The following KCND2 variants were observed in gnomAD, a reference collection of about 807,000 sequenced individuals.
KCND2 encodes the protein potassium voltage-gated channel subfamily D member 2, also known as A-type voltage-gated potassium channel KCND2.
A neutral mutation model predicts 54.4 loss-of-function variants in KCND2; 16 were observed. The observed-to-expected ratio is 0.29, with a 90% CI of 0.20 to 0.45. The LOEUF (loss-of-function observed/expected upper bound fraction) is 0.45, where lower values mean the gene tolerates loss of function less well. Among genes scored for constraint, KCND2 ranks in the 20% least tolerant of loss-of-function variants. The probability of loss-of-function intolerance (pLI) is 1.00; values close to 1 mark genes in which losing one functional copy is unlikely to be tolerated. For missense variants in KCND2, 486 were observed against 824.2 expected, an observed-to-expected ratio of 0.59 and a Z score of 5.02; for synonymous variants, 317 against 310.7, an observed-to-expected ratio of 1.02 and a Z score of -0.21.
rs1799104770 is a variant in KCND2 at position 120,273,222 on chromosome 7, C to T, written c.-1411C>T. On this transcript the variant is annotated 5_prime_UTR_variant, in exon 1 of 6. Coordinates refer to ENST00000331113, the MANE Select transcript of KCND2 (RefSeq NM_012281.3). ...CGCGCGGTTATTTATTTATTTTCTCCTTATTTATTGATCGCACTAGCAGAG... is the reference window on the plus strand; with the variant it reads ...CGCGCGGTTATTTATTTATTTTCTCTTTATTTATTGATCGCACTAGCAGAG... 6.6e-6 allele frequency among the ~76,000 whole-genome samples: 1 copy of T among 152,068 alleles called. No homozygotes were observed. The highest frequency in any genetic ancestry group is 2.4e-5 in the African/African-American group (1 of 41,456).
At chr7:120,747,448 T>G (rs1374240842) in intron 5 of KCND2, among the ~76,000 whole-genome samples, 1 of 152,136 alleles carries the variant, frequency 6.6e-6, no homozygotes, top group Non-Finnish European at 1.5e-5. Flanking sequence ...ACATTTAGTT[T>G]GATAAATACT....
At chr7:120,418,478 C>T (rs17142714) in intron 1 of KCND2, among the ~76,000 whole-genome samples, 1 of 75,448 alleles carries the variant, frequency 1.3e-5, no homozygotes, top group African/African-American at 1.7e-4. Context: ...ACCTAAGAGG[C>T]CATCTGCTGT....
At chr7:120,572,670 G>C (rs1479391354) in intron 1 of KCND2, among the ~76,000 whole-genome samples, 1 of 151,952 alleles carries the variant, frequency 6.6e-6, no homozygotes, top group South Asian at 2.1e-4. Flanking sequence ...GGTGTGAGCC[G>C]CCACACCCAG....
At chr7:120,384,025 C>G (rs1162510616) in intron 1 of KCND2, among the ~76,000 whole-genome samples, 1 of 152,068 alleles carries the variant, frequency 6.6e-6, no homozygotes, top group Non-Finnish European at 1.5e-5. Context: ...ATAACAAAAT[C>G]TGTGAGTGCT....
intron 1 of KCND2, among the ~76,000 whole-genome samples, chr7:120,331,163 G>A (rs1800062801): frequency 6.6e-6 from 1 of 151,968 alleles, no homozygotes; most frequent in Admixed American, 6.6e-5. Context: ...TTCCAAACTT[G>A]TATTTTAACC....
intron 2 of KCND2, among the ~76,000 whole-genome samples, chr7:120,738,688 G>T (rs1008150191): frequency 2.0e-4 from 30 of 152,034 alleles, no homozygotes; most frequent in Non-Finnish European, 4.4e-5. Flanking sequence ...AGGGTCGGGG[G>T]TAAGAGACTG....
intron 1 of KCND2, among the ~76,000 whole-genome samples, chr7:120,336,333 A>G (rs185481933): frequency 6.6e-6 from 1 of 152,284 alleles, no homozygotes; most frequent in Admixed American, 6.5e-5. Context: ...CCAATTTGAA[A>G]ATGCCAACTT....
At chr7:120,690,148 T>C (rs942670082) in intron 1 of KCND2, among the ~76,000 whole-genome samples, 3 of 152,224 alleles carry the variant, frequency 2.0e-5, no homozygotes, top group Admixed American at 2.0e-4. Context: ...AAATGTTATT[T>C]ATTGGTTAAA....
intron 1 of KCND2, among the ~76,000 whole-genome samples, chr7:120,340,520 A>G (rs1800225295): frequency 6.6e-6 from 1 of 152,184 alleles, no homozygotes; most frequent in African/African-American, 2.4e-5. Flanking sequence ...TTGACATCTC[A>G]ATGAAATGTC....
At chr7:120,395,493 TTC>T (rs1490992994) in intron 1 of KCND2, among the ~76,000 whole-genome samples, 1 of 151,892 alleles carries the variant, frequency 6.6e-6, no homozygotes, top group Non-Finnish European at 1.5e-5. Context: ...CCTGGGAGAG[TTC>T]TTGGCTTCAC....
intron 2 of KCND2, among the ~76,000 whole-genome samples, chr7:120,739,384 G>T (rs963199951): frequency 6.6e-6 from 1 of 151,932 alleles, no homozygotes; most frequent in African/African-American, 2.4e-5. Context: ...ATTCTGAGTT[G>T]TTTCCAAATG....
chr7:120,650,859 T>C (rs1253262918), intron 1 of KCND2, among the ~76,000 whole-genome samples: 1 of 143,804 alleles, frequency 7.0e-6, no homozygotes, highest in Non-Finnish European at 1.5e-5. Flanking sequence ...TGCAGGTCTG[T>C]TGGAGTTTGC....
chr7:120,727,923 CAGG>C, intron 1 of KCND2, among the ~76,000 whole-genome samples: 1 of 151,984 alleles, frequency 6.6e-6, no homozygotes, highest in East Asian at 2.0e-4. Flanking sequence ...ATCACAAAGT[CAGG>C]AGATCAAGAC....
At chr7:120,685,810 A>G (rs1477070702) in intron 1 of KCND2, among the ~76,000 whole-genome samples, 1 of 152,244 alleles carries the variant, frequency 6.6e-6, no homozygotes, top group African/African-American at 2.4e-5. Context: ...TTCTCCTAAT[A>G]TGAATAAGTA....
chr7:120,361,720 T>C (rs1438612128), intron 1 of KCND2, among the ~76,000 whole-genome samples: 3 of 152,118 alleles, frequency 2.0e-5, no homozygotes, highest in South Asian at 2.1e-4. Flanking sequence ...ATTTTACATA[T>C]TGATTTGCTA....
At chr7:120,473,722 GT>G (rs1005519949) in intron 1 of KCND2, among the ~76,000 whole-genome samples, 1 of 151,972 alleles carries the variant, frequency 6.6e-6, no homozygotes, top group East Asian at 1.9e-4. Context: ...CCAATCCAAA[GT>G]TTTTTTAAAA....
intron 1 of KCND2, among the ~76,000 whole-genome samples, chr7:120,730,870 T>C (rs999823250): frequency 5.3e-5 from 8 of 152,194 alleles, no homozygotes; most frequent in African/African-American, 1.9e-4. Context: ...GACTATTGCC[T>C]AGGCTACCTC....
chr7:120,286,656 A>C (rs879398980), intron 1 of KCND2, among the ~76,000 whole-genome samples: 1 of 152,010 alleles, frequency 6.6e-6, no homozygotes, highest in Non-Finnish European at 1.5e-5. Context: ...ATCAAAAGGA[A>C]TTTCCTATTT....
At chr7:120,320,343 C>A (rs1799877018) in intron 1 of KCND2, among the ~76,000 whole-genome samples, 2 of 152,022 alleles carry the variant, frequency 1.3e-5, no homozygotes, top group Admixed American at 1.3e-4. Flanking sequence ...ATGGATGTGA[C>A]CCTACCATTG....
Sources: allele counts gnomAD v4.1 joint callset (sites outside exome capture counted in the v4.1 genomes callset), GRCh38; gene constraint gnomAD v4.1.1; transcripts MANE v1.5; gene names NCBI Gene and HGNC (gene_info 2026-07-23, HGNC 2026-07-21).